PAX7: variants seen among roughly 807,000 people sequenced by gnomAD.
The protein encoded by PAX7 is paired box protein Pax-7.
PAX7 carries 18 observed loss-of-function variants against 50.7 expected under a neutral mutation model. The ratio of observed to expected loss-of-function variants is 0.36; its 90% CI spans 0.25 to 0.53. The LOEUF (loss-of-function observed/expected upper bound fraction) is 0.53. PAX7 is among the 20% of genes least tolerant of loss of function. PAX7 has a pLI of 0.93. For missense variants in PAX7, 644 were observed against 702.9 expected, an observed-to-expected ratio of 0.92 and a Z score of 0.95; for synonymous variants, 310 against 290.4, an observed-to-expected ratio of 1.07 and a Z score of -0.69.
rs528465967 is a variant in PAX7 at position 18,668,068 on chromosome 1, G to T, written c.587-23686G>T. ...GGGGTTCTCAGCCTTGGCTGCACAC[G>T]AGATTCATATGAGGGAGCTTTCACA... On this transcript the variant is annotated intron_variant, in intron 4 of 8. Coordinates refer to ENST00000420770, the MANE Select transcript of PAX7 (RefSeq NM_001135254.2). Among the ~76,000 whole-genome samples, 9 of 152,222 alleles carry T rather than the reference G, an allele frequency of 5.9e-5. 1 individual carries two copies. The highest frequency in any genetic ancestry group is 1.9e-4 in the African/African-American group (8 of 41,538).
intron 4 of PAX7, among the ~76,000 whole-genome samples, chr1:18,658,925 A>AGT (rs569288319): frequency 4.8e-4 from 73 of 152,210 alleles, no homozygotes; most frequent in Admixed American, 2.1e-3. Context: ...TGAGCTGGAG[A>AGT]GTGTGTGTGC....
At chr1:18,676,410 G>C (rs972878887) in intron 4 of PAX7, among the ~76,000 whole-genome samples, 3 of 151,188 alleles carry the variant, frequency 2.0e-5, no homozygotes, top group African/African-American at 7.3e-5. Flanking sequence ...GGTGGGGAGG[G>C]GGGCAGCGGG....
intron 4 of PAX7, among the ~76,000 whole-genome samples, chr1:18,671,205 C>T (rs1233818711): frequency 1.3e-5 from 2 of 152,168 alleles, no homozygotes; most frequent in East Asian, 3.9e-4. Flanking sequence ...CTAGAATATT[C>T]TGGGCACAAG....
At position 18,747,740 on chromosome 1, in the gene PAX7, T is replaced by C; in HGVS notation, c.*2811T>C. 1 of 200,868 alleles carries C rather than the reference T, an allele frequency of 5.0e-6. No homozygotes were observed. The highest frequency in any genetic ancestry group is 7.6e-5 in the East Asian group (1 of 13,084). 12.4% of individuals were successfully genotyped at this position (200,868 alleles called of 1,614,324 possible). On this transcript the variant is annotated 3_prime_UTR_variant, in exon 9 of 9. Transcript: ENST00000420770. ...CTCTAAGGAGGGCTCTCTTCTGAGTTCATTGTACAATAGTTGGAAACGTGG... is the reference window on the plus strand; with the variant it reads ...CTCTAAGGAGGGCTCTCTTCTGAGTCCATTGTACAATAGTTGGAAACGTGG...
intron 5 of PAX7, among the ~76,000 whole-genome samples, chr1:18,695,211 AAAAAAAAAG>A (rs2089135984): frequency 6.9e-6 from 1 of 144,316 alleles, no homozygotes; most frequent in East Asian, 2.1e-4. Flanking sequence ...TTACATGTAA[AAAAAAAAAG>A]AAAAAAAAAG....
intron 4 of PAX7, among the ~76,000 whole-genome samples, chr1:18,648,358 T>C (rs2088378506): frequency 6.7e-6 from 1 of 149,736 alleles, no homozygotes; most frequent in Non-Finnish European, 1.5e-5. Context: ...TTTTTTTTTT[T>C]TGAGACTGGG....
At position 18,722,330 on chromosome 1, in the gene PAX7, T is replaced by TCGCCAG. The variant is rs552840395; in HGVS notation, c.1156-13299_1156-13294dup. Among the ~76,000 whole-genome samples the TCGCCAG allele has an allele frequency of 5.1e-4, 78 of 152,160 alleles. 4 individuals carry two copies. In the South Asian group the frequency reaches 0.016, roughly 31 times the overall value. ...CGAGGCATCGCCTTTCCAGCCTGCA[T>TCGCCAG]CGCCAGCGAGAAAGCTACTATCTCC... On this transcript the variant is annotated intron_variant, in intron 7 of 8. Transcript: ENST00000420770.
At chr1:18,734,609 A>C (rs971406176) in intron 7 of PAX7, among the ~76,000 whole-genome samples, 5 of 151,988 alleles carry the variant, frequency 3.3e-5, no homozygotes, top group African/African-American at 1.2e-4. Flanking sequence ...CACCTCCCCT[A>C]GATTTCCCAG....
At chr1:18,736,070 A>G (rs1289359489) in intron 8 of PAX7, 192 bp downstream of exon 8, 4 of 1,066,758 alleles carry the variant, frequency 3.7e-6, no homozygotes, top group Non-Finnish European at 1.4e-6. Context: ...AACCCAGGAC[A>G]TCTCCTGGCT....
At chr1:18,740,105 C>A (rs947232182) in intron 8 of PAX7, among the ~76,000 whole-genome samples, 4 of 152,106 alleles carry the variant, frequency 2.6e-5, no homozygotes, top group African/African-American at 9.7e-5. Context: ...GCCACGGGCG[C>A]GAGGCAGAAG....
chr1:18,631,584 C>T lies in PAX7; in HGVS notation c.-20C>T, dbSNP rs191271197. The T allele has an allele frequency of 0.011, 17,932 of 1,605,966 alleles. 108 individuals carry two copies. Among genetic ancestry groups the T allele is most frequent in the Non-Finnish European group, 0.013 (15,694 of 1,175,826 alleles). ...AAGCGATTTTTGCCGACTTTGGATT[C>T]GTCCCCGGCGTGCGCAAGAATGGCG... On this transcript the variant is annotated 5_prime_UTR_variant, in exon 1 of 9. Coordinates refer to ENST00000420770, the MANE Select transcript of PAX7 (RefSeq NM_001135254.2).
intron 7 of PAX7, among the ~76,000 whole-genome samples, chr1:18,722,200 G>C (rs2089502998): frequency 6.6e-6 from 1 of 152,210 alleles, no homozygotes; most frequent in Admixed American, 6.5e-5. Context: ...CCAGGGTCAT[G>C]GAGTGGGGTC....
At chr1:18,665,888 T>C (rs1442827133) in intron 4 of PAX7, among the ~76,000 whole-genome samples, 1 of 151,270 alleles carries the variant, frequency 6.6e-6, no homozygotes, top group Non-Finnish European at 1.5e-5. Context: ...TCCAGGCTGG[T>C]CTCAAACTCC....
intron 4 of PAX7, among the ~76,000 whole-genome samples, chr1:18,666,840 C>T (rs1204550309): frequency 6.6e-6 from 1 of 152,202 alleles, no homozygotes; most frequent in South Asian, 2.1e-4. Context: ...TCAGAGCAAA[C>T]AAACTTTTGG....
intron 4 of PAX7, among the ~76,000 whole-genome samples, chr1:18,672,215 C>T (rs1325219159): frequency 1.3e-5 from 2 of 152,140 alleles, no homozygotes; most frequent in East Asian, 3.9e-4. Context: ...CAGAATCTCC[C>T]TTTGCCATCT....
chr1:18,672,811 T>G (rs1303743279), intron 4 of PAX7, among the ~76,000 whole-genome samples: 3 of 152,016 alleles, frequency 2.0e-5, no homozygotes, highest in African/African-American at 7.3e-5. Flanking sequence ...TTCATCAGGT[T>G]GGCCAGGCTA....
chr1:18,726,190 T>C lies in PAX7; in HGVS notation c.1156-9442T>C, dbSNP rs1368657968. Among the ~76,000 whole-genome samples the C allele has an allele frequency of 6.6e-6, 1 of 150,662 alleles. No homozygotes were observed. The highest frequency in any genetic ancestry group is 1.5e-5 in the Non-Finnish European group (1 of 67,876). On this transcript the variant is annotated intron_variant, in intron 7 of 8. Coordinates refer to ENST00000420770, the MANE Select transcript of PAX7 (RefSeq NM_001135254.2). This position sits in a 1 kb window ranked among gnomAD's most constrained non-coding sequence, Gnocchi z 4.8. The stretch of plus-strand genomic sequence containing the variant: ...TGTGTGTGTGTGTGTCTTTGACTTC[T>C]TGGACAATGAGTGGAAAGCCATTCT...
chr1:18,716,060 G>A (rs778474773), intron 7 of PAX7, among the ~76,000 whole-genome samples: 2 of 151,100 alleles, frequency 1.3e-5, no homozygotes, highest in East Asian at 3.9e-4. Flanking sequence ...CTTCCCCACC[G>A]GCCCTTCTCT....
intron 4 of PAX7, among the ~76,000 whole-genome samples, chr1:18,652,018 T>C (rs1557510238): frequency 6.6e-6 from 1 of 151,990 alleles, no homozygotes; most frequent in East Asian, 1.9e-4. Flanking sequence ...GGGGGGATTG[T>C]TGGGGGATTA....
Sources: allele counts gnomAD v4.1 joint callset (sites outside exome capture counted in the v4.1 genomes callset), GRCh38; gene constraint gnomAD v4.1.1; non-coding constraint Gnocchi (gnomAD v3.1); transcripts MANE v1.5; gene names NCBI Gene and HGNC (gene_info 2026-07-23, HGNC 2026-07-21).